Variants in TBC1D5 observed in about 807,000 individuals in gnomAD.
The protein encoded by TBC1D5 is TBC1 domain family, member 5.
A neutral mutation model predicts 100.3 loss-of-function variants in TBC1D5; 75 were observed. That is an observed-to-expected ratio of 0.75 (90% confidence interval 0.62 to 0.91). TBC1D5 has a LOEUF of 0.91. Ranked by LOEUF, TBC1D5 falls within the 40% of genes least tolerant of loss-of-function variation. The pLI is 0.00. For synonymous variants in TBC1D5, 323 were observed against 325.6 expected (o/e 0.99, Z 0.09); for missense variants, 910 against 942.4 (o/e 0.97, Z 0.45).
At chr3:17,600,224 T>C in intron 2 of TBC1D5, among the ~76,000 whole-genome samples, 1 of 131,080 alleles carries the variant, frequency 7.6e-6, no homozygotes, top group African/African-American at 3.7e-5. Flanking sequence ...TATGTTATGT[T>C]ATGTTATGTT....
intron 1 of TBC1D5, among the ~76,000 whole-genome samples, chr3:17,632,755 T>A (rs779867700): frequency 4.6e-5 from 7 of 152,220 alleles, no homozygotes; most frequent in Non-Finnish European, 8.8e-5. Context: ...GGCTTTTTTT[T>A]AAAATTAAGG....
chr3:17,225,012 C>T (rs796972961), intron 17 of TBC1D5, among the ~76,000 whole-genome samples: 2 of 152,122 alleles, frequency 1.3e-5, no homozygotes, highest in South Asian at 4.1e-4. Flanking sequence ...CCTCTGGGAA[C>T]ACAAACATTC....
At chr3:17,542,369 C>G (rs2096367172) in intron 2 of TBC1D5, among the ~76,000 whole-genome samples, 1 of 152,100 alleles carries the variant, frequency 6.6e-6, no homozygotes, top group Non-Finnish European at 1.5e-5. Flanking sequence ...TTCTCATTCT[C>G]TCTCTCAAAA....
chr3:17,186,376 C>T (rs1257631948), intron 18 of TBC1D5, among the ~76,000 whole-genome samples: 1 of 152,128 alleles, frequency 6.6e-6, no homozygotes, highest in Non-Finnish European at 1.5e-5. Flanking sequence ...GCCTGAAGAA[C>T]TAGCCCGTAG....
At chr3:17,591,224 AG>A (rs1328592360) in intron 2 of TBC1D5, among the ~76,000 whole-genome samples, 1 of 121,724 alleles carries the variant, frequency 8.2e-6, no homozygotes, top group Non-Finnish European at 1.7e-5. Context: ...CTACAAAGAA[AG>A]GATCTGTCAA....
At chr3:17,741,116 T>C (rs2077393956), upstream of TBC1D5, among the ~76,000 whole-genome samples, 1 of 152,238 alleles carries the variant, frequency 6.6e-6, no homozygotes, top group Non-Finnish European at 1.5e-5. Flanking sequence ...AGTTATCCAC[T>C]TCCTTGCTAC....
intron 2 of TBC1D5, among the ~76,000 whole-genome samples, chr3:17,518,029 C>A (rs2096012934): frequency 6.6e-6 from 1 of 152,070 alleles, no homozygotes; most frequent in African/African-American, 2.4e-5. Context: ...ATTAAAAATT[C>A]TTCATAAGAC....
chr3:17,185,785 T>C (rs899126506), intron 18 of TBC1D5, among the ~76,000 whole-genome samples: 5 of 152,110 alleles, frequency 3.3e-5, no homozygotes, highest in African/African-American at 1.2e-4. Context: ...CCTAAAGCGC[T>C]TGGAAAAGTT....
At chr3:17,277,606 C>A (rs1261537759) in intron 15 of TBC1D5, among the ~76,000 whole-genome samples, 1 of 152,122 alleles carries the variant, frequency 6.6e-6, no homozygotes, top group Non-Finnish European at 1.5e-5. Context: ...GAAGGGTAAT[C>A]GAGCTGAAAT....
At chr3:17,585,206 C>T (rs1176727170) in intron 2 of TBC1D5, among the ~76,000 whole-genome samples, 1 of 152,036 alleles carries the variant, frequency 6.6e-6, no homozygotes. Flanking sequence ...TAAAAAGATA[C>T]AAATGTTAAA....
chr3:17,376,631 G>T lies in TBC1D5; in HGVS notation c.613-18C>A. 1 of 1,604,846 alleles carries T rather than the reference G, an allele frequency of 6.2e-7. No homozygotes were observed. The highest frequency in any genetic ancestry group is 8.5e-7 in the Non-Finnish European group (1 of 1,175,148). ...TGCATGCCCTGAAATAAAAGAGCCA[G>T]AAAAATGAAAGAGATGGATACTCAG... On this transcript the variant is annotated intron_variant, in intron 9 of 21. Coordinates refer to ENST00000253692, the Ensembl canonical transcript of TBC1D5.
chr3:17,440,309 C>T (rs2094624064), intron 3 of TBC1D5, among the ~76,000 whole-genome samples: 1 of 152,010 alleles, frequency 6.6e-6, no homozygotes, highest in African/African-American at 2.4e-5. Flanking sequence ...TGGTCTTTAT[C>T]CCCCAAAAAA....
chr3:17,473,698 G>A (rs567727005), intron 3 of TBC1D5, among the ~76,000 whole-genome samples: 43 of 152,278 alleles, frequency 2.8e-4, no homozygotes, highest in African/African-American at 1.0e-3. Flanking sequence ...ATTTAACTAA[G>A]TATAAGGTGA....
intron 1 of TBC1D5, among the ~76,000 whole-genome samples, chr3:17,651,772 A>G (rs1223429449): frequency 6.6e-6 from 1 of 152,134 alleles, no homozygotes. Flanking sequence ...ATTCATGTCA[A>G]TATCATATAT....
intron 1 of TBC1D5, among the ~76,000 whole-genome samples, chr3:17,733,271 G>C (rs1452596200): frequency 6.6e-6 from 1 of 152,126 alleles, no homozygotes; most frequent in African/African-American, 2.4e-5. Flanking sequence ...CCTCAGTTCT[G>C]ACAATTACAA....
chr3:17,374,732 A>C, intron 10 of TBC1D5, 53 bp from the exon 11 acceptor site: 1 of 1,578,674 alleles, frequency 6.3e-7, no homozygotes, highest in Non-Finnish European at 8.6e-7. Context: ...ATAATTAAAG[A>C]GGCAGAGTTT....
At chr3:17,533,051 T>C (rs550242739) in intron 2 of TBC1D5, among the ~76,000 whole-genome samples, 1 of 139,878 alleles carries the variant, frequency 7.1e-6, no homozygotes, top group South Asian at 2.2e-4. Flanking sequence ...AATGAGATCC[T>C]GTCACACACA....
chr3:17,405,009 A>C, intron 5 of TBC1D5, 48 bp from the exon 6 acceptor site: 1 of 1,252,158 alleles, frequency 8.0e-7, no homozygotes, highest in Non-Finnish European at 1.1e-6. Context: ...TAAGATATAA[A>C]ATGTGAAACT....
intron 17 of TBC1D5, among the ~76,000 whole-genome samples, chr3:17,232,228 G>A (rs766312613): frequency 9.2e-5 from 14 of 152,274 alleles, no homozygotes; most frequent in Non-Finnish European, 1.8e-4. Flanking sequence ...GCAGAAGTCA[G>A]AATAAGCAAG....
Sources: allele counts gnomAD v4.1 joint callset (sites outside exome capture counted in the v4.1 genomes callset), GRCh38; gene constraint gnomAD v4.1.1; transcripts MANE v1.5; gene names NCBI Gene and HGNC (gene_info 2026-07-23, HGNC 2026-07-21).